The following GRIN2B variants were observed in gnomAD, a reference collection of about 807,000 sequenced individuals.
GRIN2B encodes the protein glutamate ionotropic receptor NMDA type subunit 2B, also known as glutamate receptor ionotropic, NMDA 2B.
In GRIN2B, 5 loss-of-function variants were observed where a neutral mutation model predicts 114.5. That is an observed-to-expected ratio of 0.04 (90% CI 0.02 to 0.09). The LOEUF (loss-of-function observed/expected upper bound fraction) is 0.09. Ranked by LOEUF, GRIN2B falls within the 10% of genes least tolerant of loss-of-function variation. GRIN2B has a pLI of 1.00. For synonymous variants in GRIN2B, 787 were observed against 745.1 expected, an observed-to-expected ratio of 1.06 and a Z score of -0.92; for missense variants, 1,108 against 1,943.5, an observed-to-expected ratio of 0.57 and a Z score of 8.08.
rs748654662 is a variant in GRIN2B, at chr12:13,563,384, G to C, written c.3854C>G (p.Pro1285Arg). 1 of 1,614,176 alleles carries C rather than the reference G, an allele frequency of 6.2e-7. No homozygotes were observed. Among genetic ancestry groups the C allele is most frequent in the Non-Finnish European group, 8.5e-7 (1 of 1,180,026 alleles). The change falls in exon 14 of 14, where the codon CCG becomes CGG. Residue 1285 changes from proline (P) to arginine (R), a missense_variant. Physicochemically the swap from Pro to Arg is moderately radical, Grantham distance 103. This residue lies in a region of GRIN2B where 478 missense variants were observed against 506.0 expected (regional missense o/e 0.94). Coordinates refer to ENST00000609686, the MANE Select transcript of GRIN2B (RefSeq NM_000834.5). Reference protein sequence around the residue: ...NASTTKYPQSPTNSKAQKKNR... With the variant: ...NASTTKYPQSRTNSKAQKKNR... ...CTTCTTCTGGGCCTTGGAATTAGTC[G>C]GGCTCTGAGGGTACTTAGTGGTGGA...
chr12:13,737,315 C>T (rs188224572), intron 4 of GRIN2B, among the ~76,000 whole-genome samples: 35 of 151,808 alleles, frequency 2.3e-4, no homozygotes, highest in Admixed American at 3.9e-4. Flanking sequence ...AGGTTCACAC[C>T]ATTCTCCTGC....
intron 2 of GRIN2B, among the ~76,000 whole-genome samples, chr12:13,955,919 T>C (rs1867582745): frequency 6.6e-6 from 1 of 152,104 alleles, no homozygotes; most frequent in Admixed American, 6.5e-5. Context: ...ACCAGACGCG[T>C]ATATTAATAA....
intron 2 of GRIN2B, among the ~76,000 whole-genome samples, chr12:13,952,449 A>G (rs985214064): frequency 6.6e-6 from 1 of 152,190 alleles, no homozygotes; most frequent in African/African-American, 2.4e-5. Flanking sequence ...CTGAAAGCCT[A>G]ATACTGCTTC....
chr12:13,942,277 C>A (rs998227582), intron 2 of GRIN2B, among the ~76,000 whole-genome samples: 2 of 151,960 alleles, frequency 1.3e-5, no homozygotes, highest in African/African-American at 4.8e-5. Context: ...TAAGCAAGAA[C>A]CCCCTTTTTC....
intron 5 of GRIN2B, among the ~76,000 whole-genome samples, chr12:13,674,194 T>C (rs767319884): frequency 2.0e-5 from 3 of 151,984 alleles, no homozygotes; most frequent in Admixed American, 1.3e-4. Flanking sequence ...ACCTCATTTC[T>C]ACCAAAAATT....
intron 3 of GRIN2B, among the ~76,000 whole-genome samples, chr12:13,822,225 T>C (rs945721046): frequency 6.6e-6 from 1 of 152,144 alleles, no homozygotes; most frequent in African/African-American, 2.4e-5. Context: ...TTAATATATT[T>C]GGTTAAAAAT....
At chr12:13,912,651 G>A (rs1244570907) in intron 2 of GRIN2B, among the ~76,000 whole-genome samples, 2 of 152,180 alleles carry the variant, frequency 1.3e-5, no homozygotes, top group Non-Finnish European at 2.9e-5. Context: ...TGGAAGGAGT[G>A]TGCCCTTAAT....
At chr12:13,850,531 C>T (rs1279287097) in intron 3 of GRIN2B, among the ~76,000 whole-genome samples, 1 of 152,108 alleles carries the variant, frequency 6.6e-6, no homozygotes, top group Non-Finnish European at 1.5e-5. Context: ...GACAGTTTTG[C>T]CCACCCTACA....
At chr12:13,823,940 A>T (rs181077648) in intron 3 of GRIN2B, among the ~76,000 whole-genome samples, 1 of 152,312 alleles carries the variant, frequency 6.6e-6, no homozygotes, top group Admixed American at 6.5e-5. Context: ...AATGAATTAC[A>T]TTAATTTTCA....
intron 10 of GRIN2B, among the ~76,000 whole-genome samples, chr12:13,601,908 T>C (rs999517743): frequency 6.6e-6 from 1 of 152,168 alleles, no homozygotes; most frequent in Non-Finnish European, 1.5e-5. Context: ...ACTTGGGGGA[T>C]ACCTGTTGGG....
At chr12:13,743,175 GC>G (rs1863315105) in intron 4 of GRIN2B, among the ~76,000 whole-genome samples, 1 of 152,156 alleles carries the variant, frequency 6.6e-6, no homozygotes, top group African/African-American at 2.4e-5. Flanking sequence ...GAGTAAACGT[GC>G]TTTGAGCGAC....
At position 13,562,775 on chromosome 12, in the gene GRIN2B, T is replaced by C; in HGVS notation, c.*8A>G. 6.2e-7 allele frequency: 1 copy of C among 1,611,440 alleles called. No individual in the cohort carries two copies. The highest frequency in any genetic ancestry group is 1.1e-5 in the South Asian group (1 of 91,026). On this transcript the variant is annotated 3_prime_UTR_variant, in exon 14 of 14. Coordinates refer to ENST00000609686, the MANE Select transcript of GRIN2B (RefSeq NM_000834.5). ...CCCGTACCCACCTTAACCTCTCTGT[T>C]CCCTCACTCAGACATCAGACTCAAT...
At chr12:13,835,526 G>C (rs758104687) in intron 3 of GRIN2B, among the ~76,000 whole-genome samples, 4 of 151,892 alleles carry the variant, frequency 2.6e-5, no homozygotes, top group Admixed American at 6.6e-5. Flanking sequence ...AAAAAAACAG[G>C]CATCAGGAGA....
intron 2 of GRIN2B, among the ~76,000 whole-genome samples, chr12:13,929,967 C>T (rs1038803457): frequency 2.6e-5 from 4 of 152,182 alleles, no homozygotes; most frequent in Admixed American, 6.5e-5. Context: ...GGGCGGATCA[C>T]GAGGTCTAGA....
chr12:13,878,738 A>C (rs967682398), intron 2 of GRIN2B, among the ~76,000 whole-genome samples: 1 of 152,218 alleles, frequency 6.6e-6, no homozygotes, highest in African/African-American at 2.4e-5. Flanking sequence ...CATCGTAAGC[A>C]GCAATGGTCT....
intron 5 of GRIN2B, among the ~76,000 whole-genome samples, chr12:13,631,164 A>G (rs1360502662): frequency 2.6e-5 from 4 of 152,162 alleles, no homozygotes; most frequent in Admixed American, 2.6e-4. Context: ...CGCAGAGCCA[A>G]ACCATATCAG....
At chr12:13,730,378 A>T (rs1315009716) in intron 4 of GRIN2B, among the ~76,000 whole-genome samples, 1 of 152,010 alleles carries the variant, frequency 6.6e-6, no homozygotes, top group Non-Finnish European at 1.5e-5. Flanking sequence ...ATAACCAAAC[A>T]AGCTGACTGT....
chr12:13,806,079 AATAGT>A, intron 3 of GRIN2B, among the ~76,000 whole-genome samples: 1 of 152,168 alleles, frequency 6.6e-6, no homozygotes, highest in Non-Finnish European at 1.5e-5. Flanking sequence ...TTTAAGACTG[AATAGT>A]ATTCCATTGT....
At chr12:13,694,894 G>A (rs1414588033) in intron 4 of GRIN2B, among the ~76,000 whole-genome samples, 1 of 151,520 alleles carries the variant, frequency 6.6e-6, no homozygotes, top group Non-Finnish European at 1.5e-5. Context: ...ATGAAGTAAA[G>A]GATTACAAAG....
Sources: gnomAD v4.1 joint callset for allele counts (sites outside exome capture counted in the v4.1 genomes callset) on GRCh38, gnomAD v4.1.1 for gene constraint, gnomAD v4.1.1 regional missense constraint, MANE v1.5 for transcripts, NCBI Gene and HGNC (gene_info 2026-07-23, HGNC 2026-07-21) for gene names.